The following DEAF1 variants were observed in gnomAD, a reference collection of about 807,000 sequenced individuals.
DEAF1 encodes the protein DEAF1 transcription factor, also known as deformed epidermal autoregulatory factor 1 homolog.
DEAF1 carries 53 observed loss-of-function variants against 58.9 expected under a neutral mutation model. The ratio of observed to expected loss-of-function variants is 0.90; its 90% CI spans 0.72 to 1.13. DEAF1 has a LOEUF of 1.13. Among genes scored for constraint, DEAF1 ranks in the 50% most tolerant of loss-of-function variants. DEAF1 has a pLI of 0.00. For synonymous variants in DEAF1, 385 were observed against 340.4 expected, an observed-to-expected ratio of 1.13 and a Z score of -1.44; for missense variants, 685 against 791.4, an observed-to-expected ratio of 0.87 and a Z score of 1.61.
chr11:695,449 G>T (rs986204753), upstream of DEAF1: 35 of 513,140 alleles, frequency 6.8e-5, no homozygotes, highest in Admixed American at 3.1e-4. Context: ...GTCCCCGGCC[G>T]ACAGGGCTGG....
chr11:663,423 G>A (rs1157172805), intron 10 of DEAF1, among the ~76,000 whole-genome samples: 1 of 152,238 alleles, frequency 6.6e-6, no homozygotes. Flanking sequence ...ACTCCAGCCT[G>A]GGTGACAGAG....
chr11:688,133 C>G lies in DEAF1; in HGVS notation c.518-76G>C. On this transcript the variant is annotated intron_variant, in intron 3 of 11. Transcript: ENST00000382409. The surrounding 1 kb of genome is among the most constrained non-coding windows in gnomAD (Gnocchi z 4.3). ...AGTACACTCTCATCTCAGACACCACCTCCCCGGCAGCGCCACCTCCTTCAA... is the reference window on the plus strand; with the variant it reads ...AGTACACTCTCATCTCAGACACCACGTCCCCGGCAGCGCCACCTCCTTCAA... The G allele has an allele frequency of 6.3e-7, 1 of 1,598,082 alleles. No individual in the cohort carries two copies. The highest frequency in any genetic ancestry group is 1.1e-5 in the South Asian group (1 of 89,914).
intron 10 of DEAF1, among the ~76,000 whole-genome samples, chr11:668,400 A>G (rs1159087535): frequency 6.6e-6 from 1 of 152,200 alleles, no homozygotes; most frequent in Non-Finnish European, 1.5e-5. Flanking sequence ...AAGTATATAC[A>G]TGATCATAAA....
chr11:703,436 T>A, intron 1 of DEAF1: 1 of 1,292,600 alleles, frequency 7.7e-7, no homozygotes, highest in African/African-American at 1.5e-5. Flanking sequence ...GTCAGTGGGG[T>A]CTGGCTTTAG....
intron 8 of DEAF1, among the ~76,000 whole-genome samples, chr11:679,222 G>A (rs1389864918): frequency 2.0e-5 from 3 of 151,920 alleles, no homozygotes; most frequent in Non-Finnish European, 4.4e-5. Flanking sequence ...GGCTGAGGCA[G>A]GAGAACGGTG....
At chr11:673,933 T>C (rs1001278665) in intron 10 of DEAF1, 8 of 164,804 alleles carry the variant, frequency 4.9e-5, no homozygotes, top group African/African-American at 1.9e-4. Context: ...AGGGTTCATA[T>C]GAAGTAGAGA....
chr11:702,420 C>T (rs757649471), intron 1 of DEAF1, among the ~76,000 whole-genome samples: 6 of 152,194 alleles, frequency 3.9e-5, no homozygotes, highest in Non-Finnish European at 5.9e-5. Context: ...GCTAGGCCAA[C>T]GGGACCCTCC....
chr11:681,194 G>A (rs978358145), intron 6 of DEAF1, 105 bp from the exon 7 acceptor site: 2 of 1,486,518 alleles, frequency 1.3e-6, no homozygotes, highest in Admixed American at 1.7e-5. Context: ...TGAGTCACAT[G>A]GTGAGACCAC....
chr11:696,622 G>T (rs997804828), upstream of DEAF1, among the ~76,000 whole-genome samples: 3 of 89,872 alleles, frequency 3.3e-5, no homozygotes, highest in African/African-American at 1.2e-4. Flanking sequence ...GTAAACATCA[G>T]CCAGGCGGTG....
In DEAF1 at chr11:644,741, C is replaced by G. The variant is rs1858401213; in HGVS notation, c.1594-87G>C. On this transcript the variant is annotated intron_variant, in intron 11 of 11. Coordinates refer to ENST00000382409, the MANE Select transcript of DEAF1 (RefSeq NM_021008.4). This position sits in a 1 kb window ranked among gnomAD's most constrained non-coding sequence, Gnocchi z 4.3. ...TCCCCAAGGCAGACCCCAGAGGGTG[C>G]AGCCCTCTGTAACCTCACCTGGAGG... 9.4e-7 allele frequency: 1 copy of G among 1,063,584 alleles called. No individual in the cohort carries two copies. Among genetic ancestry groups the G allele is most frequent in the Non-Finnish European group, 1.4e-6 (1 of 713,998 alleles). 65.9% of individuals were successfully genotyped at this position (1,063,584 alleles called of 1,614,324 possible).
chr11:681,658 C>G (rs1191733447), intron 6 of DEAF1, among the ~76,000 whole-genome samples: 1 of 152,074 alleles, frequency 6.6e-6, no homozygotes, highest in Non-Finnish European at 1.5e-5. Flanking sequence ...GATCTGCCCA[C>G]CTCGGCCTCC....
At chr11:661,870 C>A (rs1859334466) in intron 10 of DEAF1, among the ~76,000 whole-genome samples, 1 of 152,226 alleles carries the variant, frequency 6.6e-6, no homozygotes, top group Admixed American at 6.5e-5. Context: ...GCCTCTCAAA[C>A]CCTGACTTTC....
At chr11:647,860 T>C (rs778128179) in intron 11 of DEAF1, among the ~76,000 whole-genome samples, 61 of 145,366 alleles carry the variant, frequency 4.2e-4, no homozygotes, top group Middle Eastern at 7.0e-3. Flanking sequence ...AGCAGGTGGG[T>C]GGACTTGACC....
At chr11:684,748 G>A in intron 6 of DEAF1, 150 bp downstream of exon 6, 1 of 733,332 alleles carries the variant, frequency 1.4e-6, no homozygotes, top group Non-Finnish European at 2.5e-6. Context: ...AGGGAGGAGG[G>A]AACAGAGCAA....
chr11:682,578 G>A (rs906040683), intron 6 of DEAF1, among the ~76,000 whole-genome samples: 2 of 152,102 alleles, frequency 1.3e-5, no homozygotes, highest in African/African-American at 4.8e-5. Flanking sequence ...CTCTCTTTTG[G>A]GCTGAATGTC....
chr11:669,721 G>A (rs576699123), intron 10 of DEAF1, among the ~76,000 whole-genome samples: 2 of 151,612 alleles, frequency 1.3e-5, no homozygotes, highest in African/African-American at 4.9e-5. Flanking sequence ...CCTGAGGTCA[G>A]GAGTTCAAGA....
At chr11:702,802 C>T in intron 1 of DEAF1, 1 of 766,226 alleles carries the variant, frequency 1.3e-6, no homozygotes, top group Non-Finnish European at 2.0e-6. Flanking sequence ...GCCATGGAGG[C>T]TGTTTCCCTG....
At chr11:704,178 C>A in intron 1 of DEAF1, 1 of 1,065,892 alleles carries the variant, frequency 9.4e-7, no homozygotes, top group Non-Finnish European at 1.2e-6. Flanking sequence ...GTTCTCCTGC[C>A]CTGCAAGAGA....
In DEAF1 at chr11:688,061, G is replaced by A. The variant is rs2133406910; in HGVS notation, c.518-4C>T. 1 of 1,613,848 alleles carries A rather than the reference G, an allele frequency of 6.2e-7. No individual in the cohort carries two copies. Among genetic ancestry groups the A allele is most frequent in the Middle Eastern group, 1.6e-4 (1 of 6,062 alleles). ...GGGGTTGGAGGAGACTGAGGACCTT[G>A]GGCAGAGAAAGTGTTTGAAGGTGAG... On this transcript the variant is annotated splice_polypyrimidine_tract_variant and splice_region_variant and intron_variant, in intron 3 of 11. Coordinates refer to ENST00000382409, the MANE Select transcript of DEAF1 (RefSeq NM_021008.4). The surrounding 1 kb of genome is among the most constrained non-coding windows in gnomAD (Gnocchi z 4.3).
Sources: allele counts gnomAD v4.1 joint callset (sites outside exome capture counted in the v4.1 genomes callset), GRCh38; gene constraint gnomAD v4.1.1; non-coding constraint Gnocchi (gnomAD v3.1); transcripts MANE v1.5; gene names NCBI Gene and HGNC (gene_info 2026-07-23, HGNC 2026-07-21).